Variants in NRG1 observed in about 807,000 individuals in gnomAD.
NRG1 encodes neuregulin 1, also known as pro-neuregulin-1, membrane-bound isoform.
In NRG1, 18 loss-of-function variants were observed where a neutral mutation model predicts 63.8. The ratio of observed to expected loss-of-function variants is 0.28; its 90% confidence interval spans 0.19 to 0.42. The LOEUF (loss-of-function observed/expected upper bound fraction) is 0.42. Among genes scored for constraint, NRG1 ranks in the 10% least tolerant of loss-of-function variants. NRG1 has a pLI of 1.00. For missense variants in NRG1, 762 were observed against 814.7 expected, an observed-to-expected ratio of 0.94 and a Z score of 0.79; for synonymous variants, 302 against 301.3, an observed-to-expected ratio of 1.00 and a Z score of -0.02.
chr8:31,720,500 T>G (rs1302109999), intron 1 of NRG1, among the ~76,000 whole-genome samples: 1 of 152,152 alleles, frequency 6.6e-6, no homozygotes, highest in Non-Finnish European at 1.5e-5. Flanking sequence ...GTGTGTGTTG[T>G]TTTGACAGAC....
intron 1 of NRG1, among the ~76,000 whole-genome samples, chr8:32,402,747 T>G (rs1339056988): frequency 6.6e-6 from 1 of 152,148 alleles, no homozygotes; most frequent in Admixed American, 6.5e-5. Flanking sequence ...AAACTCTTAA[T>G]AAGGAAAGAA....
chr8:31,706,381 G>A (rs1811155152), intron 1 of NRG1, among the ~76,000 whole-genome samples: 1 of 143,828 alleles, frequency 7.0e-6, no homozygotes, highest in South Asian at 2.6e-4. Flanking sequence ...CATACATAGG[G>A]ACATTTCTTA....
intron 1 of NRG1, among the ~76,000 whole-genome samples, chr8:31,848,437 G>T (rs1319119010): frequency 6.6e-6 from 1 of 152,108 alleles, no homozygotes; most frequent in African/African-American, 2.4e-5. Flanking sequence ...GCTCCCATTG[G>T]TGTGAATTGG....
intron 1 of NRG1, among the ~76,000 whole-genome samples, chr8:32,541,440 A>C (rs1011987106): frequency 6.6e-6 from 1 of 151,694 alleles, no homozygotes; most frequent in African/African-American, 2.4e-5. Context: ...ATTATGAAGT[A>C]ATTTCCTATA....
intron 1 of NRG1, among the ~76,000 whole-genome samples, chr8:31,858,356 G>T (rs183253183): frequency 6.6e-6 from 1 of 151,546 alleles, no homozygotes; most frequent in Non-Finnish European, 1.5e-5. Context: ...TTCTATGATC[G>T]TTCGACATTT....
intron 1 of NRG1, among the ~76,000 whole-genome samples, chr8:31,957,419 G>A (rs1411664761): frequency 6.6e-6 from 1 of 151,994 alleles, no homozygotes; most frequent in African/African-American, 2.4e-5. Flanking sequence ...ATTTTTAAGT[G>A]GATTTTATGT....
At chr8:31,952,100 T>C (rs537778301) in intron 1 of NRG1, among the ~76,000 whole-genome samples, 4 of 152,306 alleles carry the variant, frequency 2.6e-5, no homozygotes, top group South Asian at 2.1e-4. Flanking sequence ...CTCTCTTTAG[T>C]TGGTCAGTGG....
At chr8:31,903,204 A>G (rs568863081) in intron 1 of NRG1, among the ~76,000 whole-genome samples, 2 of 142,046 alleles carry the variant, frequency 1.4e-5, no homozygotes, top group Non-Finnish European at 3.0e-5. Context: ...GCTGAAGTGC[A>G]GTGGCGCAAT....
At chr8:32,337,068 G>C (rs1437737675) in intron 1 of NRG1, among the ~76,000 whole-genome samples, 1 of 151,950 alleles carries the variant, frequency 6.6e-6, no homozygotes, top group South Asian at 2.1e-4. Flanking sequence ...GGAGTACAGT[G>C]GTATAATCAT....
intron 1 of NRG1, among the ~76,000 whole-genome samples, chr8:32,147,256 T>G (rs1271045949): frequency 1.3e-5 from 2 of 152,184 alleles, no homozygotes; most frequent in Admixed American, 1.3e-4. Context: ...CTTCCTGGAA[T>G]GTACGCTAAG....
intron 1 of NRG1, among the ~76,000 whole-genome samples, chr8:32,574,360 A>G (rs1408212012): frequency 1.3e-5 from 2 of 152,118 alleles, no homozygotes; most frequent in Admixed American, 6.6e-5. Context: ...ACTTACCCAA[A>G]TATATAATTC....
At chr8:32,596,739 T>C (rs1843441496) in intron 2 of NRG1, among the ~76,000 whole-genome samples, 2 of 152,228 alleles carry the variant, frequency 1.3e-5, no homozygotes, top group Admixed American at 1.3e-4. Context: ...AATTGGAATG[T>C]AACCAGTTGA....
At chr8:31,718,327 T>C (rs1168507624) in intron 1 of NRG1, among the ~76,000 whole-genome samples, 1 of 152,134 alleles carries the variant, frequency 6.6e-6, no homozygotes, top group African/African-American at 2.4e-5. Context: ...CTAGACTCAG[T>C]AGCTAGATGT....
intron 1 of NRG1, among the ~76,000 whole-genome samples, chr8:31,831,327 T>C (rs1465616546): frequency 6.6e-6 from 1 of 152,142 alleles, no homozygotes; most frequent in Non-Finnish European, 1.5e-5. Flanking sequence ...GGTCTTCAAC[T>C]TTTGGCCTCA....
rs145607269 is a variant in NRG1, at chr8:32,144,306, C to T, written c.38-451522C>T. 4.3e-3 allele frequency among the ~76,000 whole-genome samples: 648 copies of T among 152,256 alleles called. 3 individuals are homozygous for T. Among genetic ancestry groups the T allele is most frequent in the Middle Eastern group, 0.01 (3 of 294 alleles). The stretch of plus-strand genomic sequence containing the variant: ...GAGCCCAGACGATCATTTTTAGTTA[C>T]GGATGTCACAAATGGTGATTGCTGG... On this transcript the variant is annotated intron_variant, in intron 1 of 10. Transcript: ENST00000519301.
intron 1 of NRG1, among the ~76,000 whole-genome samples, chr8:32,299,109 C>A (rs572332373): frequency 1.3e-5 from 2 of 150,440 alleles, no homozygotes; most frequent in Admixed American, 6.6e-5. Context: ...ACTGCTATAA[C>A]CCTTAACATT....
At chr8:32,629,763 C>G (rs1420858291) in intron 5 of NRG1, among the ~76,000 whole-genome samples, 1 of 151,800 alleles carries the variant, frequency 6.6e-6, no homozygotes, top group Non-Finnish European at 1.5e-5. Flanking sequence ...TCAGTTTCTC[C>G]TTTGATAGGA....
chr8:32,302,737 G>T (rs1014210776), intron 1 of NRG1, among the ~76,000 whole-genome samples: 3 of 142,280 alleles, frequency 2.1e-5, no homozygotes. Context: ...TTTTTATTGT[G>T]TGATGTAACC....
chr8:31,933,557 C>T (rs1392365838), intron 1 of NRG1, among the ~76,000 whole-genome samples: 1 of 152,218 alleles, frequency 6.6e-6, no homozygotes, highest in Non-Finnish European at 1.5e-5. Flanking sequence ...GCTGGGATTA[C>T]AGGCGTGAGC....
Sources: gnomAD v4.1 joint callset for allele counts (sites outside exome capture counted in the v4.1 genomes callset) on GRCh38, gnomAD v4.1.1 for gene constraint, MANE v1.5 for transcripts, NCBI Gene and HGNC (gene_info 2026-07-23, HGNC 2026-07-21) for gene names.